Variants in LIPC observed in about 807,000 individuals in gnomAD.
LIPC encodes the protein hepatic triacylglycerol lipase.
In LIPC, 44 loss-of-function variants were observed where a neutral mutation model predicts 50.7. The ratio of observed to expected loss-of-function variants is 0.87; its 90% CI spans 0.68 to 1.11. LIPC has a LOEUF of 1.11. Ranked by LOEUF, LIPC falls within the 50% of genes most tolerant of loss-of-function variation. The pLI is 0.00. For synonymous variants in LIPC, 271 were observed against 256.4 expected (o/e 1.06, Z -0.54); for missense variants, 697 against 648.2 (o/e 1.08, Z -0.82).
intron 1 of LIPC, among the ~76,000 whole-genome samples, chr15:58,479,863 A>AC (rs1891127299): frequency 6.6e-6 from 1 of 151,844 alleles, no homozygotes; most frequent in Admixed American, 6.6e-5. Flanking sequence ...ATCACCATTA[A>AC]CCCCCCAGCT....
chr15:58,528,058 T>A (rs1293485374), intron 1 of LIPC, among the ~76,000 whole-genome samples: 11 of 150,752 alleles, frequency 7.3e-5, no homozygotes, highest in African/African-American at 2.7e-4. Flanking sequence ...GAGAATCGCT[T>A]GAACTCGAGA....
intron 1 of LIPC, among the ~76,000 whole-genome samples, chr15:58,439,214 T>G (rs1453945880): frequency 1.3e-5 from 2 of 152,198 alleles, no homozygotes; most frequent in African/African-American, 4.8e-5. Flanking sequence ...TGAGAAAAAA[T>G]GCTGGAAGAA....
chr15:58,476,720 T>C (rs1891011923), intron 1 of LIPC, among the ~76,000 whole-genome samples: 2 of 152,190 alleles, frequency 1.3e-5, no homozygotes, highest in Non-Finnish European at 2.9e-5. Flanking sequence ...CTCTGGGACA[T>C]CTTGGGCAAG....
chr15:58,543,651 T>G (rs1893418805), intron 4 of LIPC, among the ~76,000 whole-genome samples: 1 of 152,182 alleles, frequency 6.6e-6, no homozygotes, highest in Non-Finnish European at 1.5e-5. Flanking sequence ...TTTTTTTTCT[T>G]TTGAGACGGA....
Position 58,548,459 on chromosome 15 carries a change from G to T in LIPC, c.938G>T (p.Cys313Phe), listed in dbSNP as rs755403316. Residue 313 changes from cysteine to phenylalanine, a missense_variant, in exon 6 of 9, where the codon TGC becomes TTC. Coordinates refer to ENST00000299022, the MANE Select transcript of LIPC (RefSeq NM_000236.3). ...GDMNSFSQGL[C>F]LSCKKGRCNT... ...ATGAACAGCTTCAGCCAGGGCCTGT[G>T]CCTGAGCTGCAAGAAGGGCCGCTGC... 1 of 1,613,350 alleles carries T rather than the reference G, an allele frequency of 6.2e-7. No individual in the cohort carries two copies. The highest frequency in any genetic ancestry group is 1.1e-5 in the South Asian group (1 of 90,930).
chr15:58,547,329 G>A (rs1893567403), intron 5 of LIPC, among the ~76,000 whole-genome samples: 1 of 152,160 alleles, frequency 6.6e-6, no homozygotes, highest in South Asian at 2.1e-4. Flanking sequence ...GGATGTCTTG[G>A]AAGCTCAGTT....
intron 7 of LIPC, 149 bp from the exon 8 acceptor site, chr15:58,563,354 ACT>A: frequency 1.4e-6 from 1 of 705,506 alleles, no homozygotes; most frequent in Admixed American, 2.0e-5. Context: ...CCTACTGCTA[ACT>A]CTATCAATAG....
At chr15:58,469,577 A>G (rs1187743235) in intron 1 of LIPC, among the ~76,000 whole-genome samples, 1 of 152,180 alleles carries the variant, frequency 6.6e-6, no homozygotes, top group Non-Finnish European at 1.5e-5. Flanking sequence ...AGGGAAGCTG[A>G]GAAGCTTGGG....
At position 58,548,389 on chromosome 15, in the gene LIPC, T is replaced by C; in HGVS notation, c.868T>C (p.Leu290=). The change falls in exon 6 of 9, where the codon TTG becomes CTG. Residue 290 remains leucine (L), a synonymous_variant. Coordinates refer to ENST00000299022, the MANE Select transcript of LIPC (RefSeq NM_000236.3). Reference sequence around the variant, plus strand: ...ATCGGTGCACCTTTTCATCGACTCCTTGCTGCACGCCGGCACGCAGAGCAT... The same window carrying C: ...ATCGGTGCACCTTTTCATCGACTCCCTGCTGCACGCCGGCACGCAGAGCAT... The part of the protein sequence containing the change: ...ERSVHLFIDS[L]LHAGTQSMAY... 6.2e-7 allele frequency: 1 copy of C among 1,614,150 alleles called. No homozygotes were observed. Among genetic ancestry groups the C allele is most frequent in the Non-Finnish European group, 8.5e-7 (1 of 1,180,026 alleles).
chr15:58,457,905 T>A (rs1297537870), intron 1 of LIPC, among the ~76,000 whole-genome samples: 4 of 152,202 alleles, frequency 2.6e-5, no homozygotes, highest in African/African-American at 9.7e-5. Flanking sequence ...CTGCAGGCAT[T>A]TTCTACATGG....
intron 1 of LIPC, chr15:58,497,945 T>TC (rs1222992497): frequency 1.3e-5 from 2 of 152,178 alleles, no homozygotes; most frequent in Admixed American, 1.3e-4. Flanking sequence ...GTATTTTTTT[T>TC]CTTAAAGAGG....
intron 1 of LIPC, among the ~76,000 whole-genome samples, chr15:58,472,890 G>A (rs1566920338): frequency 6.6e-6 from 1 of 152,156 alleles, no homozygotes; most frequent in Non-Finnish European, 1.5e-5. Context: ...GCTAAGCCAT[G>A]ACTCAAACCC....
At chr15:58,541,271 G>C (rs1420522954) in intron 2 of LIPC, among the ~76,000 whole-genome samples, 1 of 152,054 alleles carries the variant, frequency 6.6e-6, no homozygotes, top group East Asian at 1.9e-4. Context: ...CAGGCTCACA[G>C]TGCCCATCCC....
At position 58,496,072 on chromosome 15, in the gene LIPC, C is replaced by A. The variant is rs201432779; in HGVS notation, c.89-42261C>A. Among the ~76,000 whole-genome samples, 11 of 152,290 alleles carry A rather than the reference C, an allele frequency of 7.2e-5. No homozygotes were observed. The East Asian group carries it at 1.4e-3, about 19-fold the overall frequency. Reference sequence around the variant, plus strand: ...GCAGAACCAGGACAGAAACCCAAGCCTTCTCATCCCTATCACGAGTTGGAT... The same window carrying A: ...GCAGAACCAGGACAGAAACCCAAGCATTCTCATCCCTATCACGAGTTGGAT... On this transcript the variant is annotated intron_variant, in intron 1 of 8. Coordinates refer to ENST00000299022, the MANE Select transcript of LIPC (RefSeq NM_000236.3).
intron 1 of LIPC, among the ~76,000 whole-genome samples, chr15:58,443,614 C>A (rs1321569179): frequency 6.6e-6 from 1 of 152,244 alleles, no homozygotes; most frequent in Non-Finnish European, 1.5e-5. Flanking sequence ...CCCTCCACGG[C>A]TCCTCGGTGA....
At chr15:58,484,863 G>A (rs952722130) in intron 1 of LIPC, among the ~76,000 whole-genome samples, 1 of 152,226 alleles carries the variant, frequency 6.6e-6, no homozygotes, top group Admixed American at 6.5e-5. Flanking sequence ...ATGATGAACA[G>A]GAGTTAACTA....
At chr15:58,436,694 G>T (rs1287237247) in intron 1 of LIPC, 2 of 456,182 alleles carry the variant, frequency 4.4e-6, no homozygotes, top group South Asian at 3.1e-5. Flanking sequence ...ACAGAACATG[G>T]CATGAGATGA....
At chr15:58,472,348 G>A (rs1286892817) in intron 1 of LIPC, among the ~76,000 whole-genome samples, 1 of 151,506 alleles carries the variant, frequency 6.6e-6, no homozygotes, top group Non-Finnish European at 1.5e-5. Flanking sequence ...GCCGAGGGAG[G>A]TGAATCACAT....
At chr15:58,510,860 G>C (rs1005455362) in intron 1 of LIPC, among the ~76,000 whole-genome samples, 7 of 152,224 alleles carry the variant, frequency 4.6e-5, no homozygotes, top group African/African-American at 1.7e-4. Flanking sequence ...CTCTCAGCAA[G>C]AGTGACACAT....
Sources: allele counts gnomAD v4.1 joint callset (sites outside exome capture counted in the v4.1 genomes callset), GRCh38; gene constraint gnomAD v4.1.1; transcripts MANE v1.5; gene names NCBI Gene and HGNC (gene_info 2026-07-23, HGNC 2026-07-21).